Variants in IL1RAPL1 observed in about 807,000 individuals in gnomAD.
The protein encoded by IL1RAPL1 is interleukin 1 receptor accessory protein like 1.
Under a neutral mutation model 48.4 loss-of-function variants are expected in IL1RAPL1, and 3 were observed. The observed-to-expected ratio is 0.06, with a 90% confidence interval of 0.03 to 0.16. IL1RAPL1 has a LOEUF of 0.16. Among genes scored for constraint, IL1RAPL1 ranks in the 10% least tolerant of loss-of-function variants. The probability of loss-of-function intolerance (pLI) is 1.00; values close to 1 mark genes in which losing one functional copy is unlikely to be tolerated. For missense variants in IL1RAPL1, 349 were observed against 530.6 expected, an observed-to-expected ratio of 0.66 and a Z score of 3.36; for synonymous variants, 185 against 187.7, an observed-to-expected ratio of 0.99 and a Z score of 0.12.
At position 29,406,678 on chromosome X, in the gene IL1RAPL1, T is replaced by A. The variant is rs185772575; in HGVS notation, c.703+7370T>A. On this transcript the variant is annotated intron_variant, in intron 5 of 10. Coordinates refer to ENST00000378993, the MANE Select transcript of IL1RAPL1 (RefSeq NM_014271.4). Reference sequence around the variant, plus strand: ...TTCATTTCCTACATTATATTGCTGATTTGTATTGAGATTTAAGTCAAATAA... The same window carrying A: ...TTCATTTCCTACATTATATTGCTGAATTGTATTGAGATTTAAGTCAAATAA... 9.5e-3 allele frequency among the ~76,000 whole-genome samples: 1,050 copies of A among 110,683 alleles called. 11 individuals are homozygous for A. Among genetic ancestry groups the A allele is most frequent in the Non-Finnish European group, 0.014 (756 of 53,003 alleles).
chrX:28,962,616 A>T (rs1032195801), intron 2 of IL1RAPL1, among the ~76,000 whole-genome samples: 2 of 111,503 alleles, frequency 1.8e-5, no homozygotes, highest in Non-Finnish European at 3.8e-5. Flanking sequence ...GAAAAAAATA[A>T]TAAGTAGTTA....
In IL1RAPL1 at chrX:29,040,266, G is replaced by A. The variant is rs1330595632; in HGVS notation, c.83-242672G>A. On this transcript the variant is annotated intron_variant, in intron 2 of 10. Coordinates refer to ENST00000378993, the MANE Select transcript of IL1RAPL1 (RefSeq NM_014271.4). ...AATCTGCATGGGGAAAAAAGTGGTC[G>A]GCTCAGTGAATGGGTGACAGGCAAG... Among the ~76,000 whole-genome samples, 3 of 112,016 alleles carry A rather than the reference G, an allele frequency of 2.7e-5. No individual in the cohort carries two copies. In the Admixed American group the frequency reaches 2.8e-4, roughly 11 times the overall value.
intron 5 of IL1RAPL1, among the ~76,000 whole-genome samples, chrX:29,464,660 G>A (rs1393042645): frequency 8.9e-6 from 1 of 111,988 alleles, no homozygotes; most frequent in East Asian, 2.8e-4. Context: ...ATTCACAATA[G>A]CAAAGACATG....
chrX:29,618,719 A>C (rs889865400), intron 5 of IL1RAPL1, among the ~76,000 whole-genome samples: 4 of 111,709 alleles, frequency 3.6e-5, no homozygotes, highest in African/African-American at 1.3e-4. Flanking sequence ...CAGAATCCTT[A>C]ACCTAGTCAT....
chrX:28,887,212 G>C (rs1254901740), intron 2 of IL1RAPL1, among the ~76,000 whole-genome samples: 1 of 110,886 alleles, frequency 9.0e-6, no homozygotes, highest in East Asian at 2.9e-4. Flanking sequence ...TTATTAAAGA[G>C]GTTACACTCA....
intron 2 of IL1RAPL1, among the ~76,000 whole-genome samples, chrX:28,988,854 A>C (rs1275536323): frequency 9.0e-6 from 1 of 111,667 alleles, no homozygotes; most frequent in African/African-American, 3.3e-5. Flanking sequence ...TTTTCAATGA[A>C]TGCTTTTATC....
chrX:29,177,106 G>A (rs1930039771), intron 2 of IL1RAPL1, among the ~76,000 whole-genome samples: 1 of 111,379 alleles, frequency 9.0e-6, no homozygotes, highest in South Asian at 3.8e-4. Flanking sequence ...GGAGATGACT[G>A]TATAGTCAAC....
intron 5 of IL1RAPL1, among the ~76,000 whole-genome samples, chrX:29,647,465 A>G (rs1287262084): frequency 2.7e-5 from 3 of 111,555 alleles, no homozygotes; most frequent in Non-Finnish European, 3.8e-5. Context: ...CTAACTTATT[A>G]TGGTACATGT....
At chrX:29,136,372 C>G (rs1053925330) in intron 2 of IL1RAPL1, among the ~76,000 whole-genome samples, 1 of 111,705 alleles carries the variant, frequency 9.0e-6, no homozygotes, top group Non-Finnish European at 1.9e-5. Context: ...GGTGATCAGC[C>G]TGCCTCAGCC....
chrX:29,610,354 T>A (rs1354315553), intron 5 of IL1RAPL1, among the ~76,000 whole-genome samples: 1 of 111,841 alleles, frequency 8.9e-6, no homozygotes, highest in East Asian at 2.8e-4. Flanking sequence ...TTTTAAACTC[T>A]TCATGGTGGC....
intron 8 of IL1RAPL1, among the ~76,000 whole-genome samples, chrX:29,920,539 A>C (rs1168054827): frequency 2.7e-5 from 3 of 110,542 alleles, no homozygotes; most frequent in Non-Finnish European, 1.9e-5. Flanking sequence ...TCACACCTGT[A>C]ATCCCAGCAC....
intron 3 of IL1RAPL1, among the ~76,000 whole-genome samples, chrX:29,395,393 G>T (rs1234556171): frequency 9.0e-6 from 1 of 111,638 alleles, no homozygotes; most frequent in Admixed American, 9.6e-5. Flanking sequence ...AGTGTTCATT[G>T]AATGTCCTGA....
intron 6 of IL1RAPL1, among the ~76,000 whole-genome samples, chrX:29,766,368 G>GATATAT (rs1379988075): frequency 1.4e-5 from 1 of 73,771 alleles, no homozygotes; most frequent in African/African-American, 5.8e-5. Flanking sequence ...TATATAGATA[G>GATATAT]ATAGATAGAT....
intron 2 of IL1RAPL1, among the ~76,000 whole-genome samples, chrX:29,265,037 C>G (rs1023013980): frequency 9.0e-6 from 1 of 111,171 alleles, no homozygotes; most frequent in African/African-American, 3.3e-5. Flanking sequence ...CCCAGCTTCC[C>G]GAGTAGCTGG....
At chrX:29,110,410 T>G (rs756325058) in intron 2 of IL1RAPL1, among the ~76,000 whole-genome samples, 16 of 112,205 alleles carry the variant, frequency 1.4e-4, no homozygotes, top group African/African-American at 5.2e-4. Flanking sequence ...TTGTTTGTAA[T>G]CCTATATTCA....
chrX:29,953,813 G>A (rs1323984825), intron 9 of IL1RAPL1, among the ~76,000 whole-genome samples: 2 of 110,655 alleles, frequency 1.8e-5, no homozygotes, highest in African/African-American at 6.6e-5. Context: ...GTCAGTTGCC[G>A]TTTTCTCTCT....
At chrX:29,953,505 GGA>G (rs1250307519) in intron 9 of IL1RAPL1, among the ~76,000 whole-genome samples, 2 of 111,780 alleles carry the variant, frequency 1.8e-5, no homozygotes, top group Non-Finnish European at 3.8e-5. Flanking sequence ...GGAAGAGTAA[GGA>G]GAGAAATGAG....
Position 28,718,655 on chromosome X carries a change from A to T in IL1RAPL1, c.-24-70665A>T, listed in dbSNP as rs978359843. On this transcript the variant is annotated intron_variant, in intron 1 of 10. Coordinates refer to ENST00000378993, the MANE Select transcript of IL1RAPL1 (RefSeq NM_014271.4). ...ACAAAATTTTTATGCAACTTAAGCA[A>T]ATTTTACATTGGTAAATCACGTGAT... Among the ~76,000 whole-genome samples, 4 of 111,937 alleles carry T rather than the reference A, an allele frequency of 3.6e-5. No homozygotes were observed. In the East Asian group the frequency reaches 1.1e-3, roughly 31 times the overall value.
intron 2 of IL1RAPL1, among the ~76,000 whole-genome samples, chrX:28,875,628 G>A (rs1488629922): frequency 9.0e-6 from 1 of 111,215 alleles, no homozygotes; most frequent in Non-Finnish European, 1.9e-5. Context: ...GGATTATGGG[G>A]GTGGATTTCT....
Sources: allele counts gnomAD v4.1 joint callset (sites outside exome capture counted in the v4.1 genomes callset), GRCh38; gene constraint gnomAD v4.1.1; transcripts MANE v1.5; gene names NCBI Gene and HGNC (gene_info 2026-07-23, HGNC 2026-07-21).